TRDN: variants seen among roughly 807,000 people sequenced by gnomAD.
TRDN encodes triadin.
Under a neutral mutation model 149.7 loss-of-function variants are expected in TRDN, and 161 were observed. The observed-to-expected ratio is 1.08, with a 90% confidence interval of 0.95 to 1.23. The LOEUF (loss-of-function observed/expected upper bound fraction) is 1.23. TRDN is among the 50% of genes most tolerant of loss of function. The pLI, the probability that TRDN is intolerant of heterozygous loss-of-function variation, is 0.00. For synonymous variants in TRDN, 294 were observed against 250.5 expected (o/e 1.17, Z -1.64); for missense variants, 896 against 823.5 (o/e 1.09, Z -1.08).
chr6:123,578,523 T>C (rs72962814), intron 1 of TRDN, among the ~76,000 whole-genome samples: 31,315 of 152,104 alleles, frequency 0.21, 4,057 homozygotes, highest in East Asian at 0.5. Context: ...TGTGACTGTT[T>C]TTGTATGAGT....
chr6:123,548,847 T>G (rs1179033695), intron 2 of TRDN, among the ~76,000 whole-genome samples: 2 of 151,730 alleles, frequency 1.3e-5, no homozygotes, highest in Non-Finnish European at 2.9e-5. Flanking sequence ...CAAATAAGAG[T>G]TAGCACTGGA....
intron 12 of TRDN, among the ~76,000 whole-genome samples, chr6:123,398,750 C>G (rs773760514): frequency 6.6e-6 from 1 of 152,154 alleles, no homozygotes; most frequent in African/African-American, 2.4e-5. Flanking sequence ...CATGAAGCAG[C>G]CTTTGGCCAT....
At chr6:123,351,136 G>A in intron 21 of TRDN, 1 of 984,570 alleles carries the variant, frequency 1.0e-6, no homozygotes, top group Non-Finnish European at 1.2e-6. Flanking sequence ...ATACTAGAGG[G>A]GGAAAGCTAT....
intron 38 of TRDN, among the ~76,000 whole-genome samples, chr6:123,232,349 A>G (rs1582751162): frequency 6.6e-6 from 1 of 152,094 alleles, no homozygotes; most frequent in Non-Finnish European, 1.5e-5. Context: ...ACAATTTGGA[A>G]CGCTGTGTTG....
intron 1 of TRDN, among the ~76,000 whole-genome samples, chr6:123,630,652 A>G (rs1340823955): frequency 6.6e-6 from 1 of 151,950 alleles, no homozygotes; most frequent in Non-Finnish European, 1.5e-5. Context: ...CATGGATACT[A>G]TGTGCTTATG....
intron 1 of TRDN, among the ~76,000 whole-genome samples, chr6:123,583,280 C>G (rs183484436): frequency 1.3e-5 from 2 of 151,886 alleles, no homozygotes; most frequent in East Asian, 1.9e-4. Context: ...TATGACTAGA[C>G]AGAAGATAGT....
chr6:123,504,161 T>G (rs1778817736), intron 7 of TRDN, among the ~76,000 whole-genome samples: 1 of 151,992 alleles, frequency 6.6e-6, no homozygotes. Flanking sequence ...GGCTTTTAAT[T>G]TGTACATGAA....
At chr6:123,499,037 C>T (rs573193023) in intron 8 of TRDN, among the ~76,000 whole-genome samples, 36 of 152,256 alleles carry the variant, frequency 2.4e-4, no homozygotes, top group African/African-American at 8.2e-4. Context: ...ATACAAACTC[C>T]TTAGATGAAT....
At chr6:123,493,414 C>T (rs144073322) in intron 9 of TRDN, among the ~76,000 whole-genome samples, 13 of 152,108 alleles carry the variant, frequency 8.5e-5, no homozygotes, top group South Asian at 2.1e-4. Flanking sequence ...GGTTTATAGA[C>T]GAAATCTTAG....
At chr6:123,585,977 G>A (rs1325331249) in intron 1 of TRDN, among the ~76,000 whole-genome samples, 2 of 152,074 alleles carry the variant, frequency 1.3e-5, no homozygotes, top group Non-Finnish European at 2.9e-5. Flanking sequence ...AATGTCGGGA[G>A]CAGATTGGGT....
chr6:123,511,110 T>C (rs1186739122), intron 7 of TRDN, among the ~76,000 whole-genome samples: 1 of 152,200 alleles, frequency 6.6e-6, no homozygotes, highest in African/African-American at 2.4e-5. Context: ...TTTCATAGTT[T>C]CAGGTCTTAC....
chr6:123,219,428 T>G (rs1456014501), intron 40 of TRDN, among the ~76,000 whole-genome samples: 1 of 151,792 alleles, frequency 6.6e-6, no homozygotes, highest in Non-Finnish European at 1.5e-5. Context: ...GCCTACAAAC[T>G]TCCAGTGTTT....
chr6:123,374,804 CA>C (rs1031752820), intron 19 of TRDN, among the ~76,000 whole-genome samples: 4 of 150,836 alleles, frequency 2.7e-5, no homozygotes, highest in South Asian at 2.1e-4. Flanking sequence ...AAAAAACAAA[CA>C]AAAAAAAACC....
At chr6:123,556,962 C>T (rs946157208) in intron 2 of TRDN, among the ~76,000 whole-genome samples, 4 of 152,050 alleles carry the variant, frequency 2.6e-5, no homozygotes, top group African/African-American at 9.7e-5. Context: ...TGAAAGTGGC[C>T]GGTCCCTGCC....
intron 40 of TRDN, among the ~76,000 whole-genome samples, chr6:123,220,492 A>T (rs1242381487): frequency 6.6e-6 from 1 of 151,782 alleles, no homozygotes; most frequent in Non-Finnish European, 1.5e-5. Context: ...TTTCTTATGG[A>T]TTTTGTAATA....
At chr6:123,227,207 G>A (rs1254297396) in intron 38 of TRDN, among the ~76,000 whole-genome samples, 3 of 151,868 alleles carry the variant, frequency 2.0e-5, no homozygotes, top group African/African-American at 7.2e-5. Context: ...AATTTGGCAA[G>A]TGTTCTAATA....
intron 1 of TRDN, among the ~76,000 whole-genome samples, chr6:123,621,952 G>A (rs1219353778): frequency 6.6e-6 from 1 of 152,140 alleles, no homozygotes; most frequent in African/African-American, 2.4e-5. Flanking sequence ...TTACTCCTTA[G>A]TAAATGATAT....
rs377564179 is a variant in TRDN, at chr6:123,479,943, G to T, written c.854-14960C>A. Among the ~76,000 whole-genome samples, 325 of 152,012 alleles carry T rather than the reference G, an allele frequency of 2.1e-3. 10 individuals are homozygous for T. The South Asian group carries it at 0.058, about 27-fold the overall frequency. ...ATTTGAGGATAACTTAAAATACAAA[G>T]AACACATATTTTCAACCATCAGTTA... is the stretch of plus-strand genomic sequence containing the variant. On this transcript the variant is annotated intron_variant, in intron 9 of 40. Transcript: ENST00000334268.
intron 1 of TRDN, among the ~76,000 whole-genome samples, chr6:123,604,500 A>G (rs1396810796): frequency 6.6e-6 from 1 of 152,228 alleles, no homozygotes; most frequent in African/African-American, 2.4e-5. Context: ...AGAGCTAAAT[A>G]TTACAGAAGG....
Sources: allele counts gnomAD v4.1 joint callset (sites outside exome capture counted in the v4.1 genomes callset), GRCh38; gene constraint gnomAD v4.1.1; transcripts MANE v1.5; gene names NCBI Gene and HGNC (gene_info 2026-07-23, HGNC 2026-07-21).